Variants in KCNQ1 observed in about 807,000 individuals in gnomAD.
The protein encoded by KCNQ1 is potassium voltage-gated channel subfamily KQT member 1.
KCNQ1 carries 49 observed loss-of-function variants against 72.4 expected under a neutral mutation model. The ratio of observed to expected loss-of-function variants is 0.68; its 90% CI spans 0.54 to 0.86. The LOEUF is 0.86. Among genes scored for constraint, KCNQ1 ranks in the 40% least tolerant of loss-of-function variants. The pLI, the probability that KCNQ1 is intolerant of heterozygous loss-of-function variation, is 0.00. For missense variants in KCNQ1, 790 were observed against 945.1 expected, an observed-to-expected ratio of 0.84 and a Z score of 2.15; for synonymous variants, 450 against 412.6, an observed-to-expected ratio of 1.09 and a Z score of -1.10.
Position 2,559,496 on chromosome 11 carries a change from T to C in KCNQ1, c.478-11132T>C, listed in dbSNP as rs1050591770. On this transcript the variant is annotated intron_variant, in intron 2 of 15. Transcript: ENST00000155840. The surrounding 1 kb of genome is among the most constrained non-coding windows in gnomAD (Gnocchi z 4.9). ...AGCCCACAGGGGACACTGGGCCTCA[T>C]GCCGCCTGTCAGGATGGTGTCCGGG... 5.3e-5 allele frequency among the ~76,000 whole-genome samples: 8 copies of C among 152,290 alleles called. No homozygotes were observed. The East Asian group carries it at 1.5e-3, about 29-fold the overall frequency.
Position 2,769,066 on chromosome 11 carries a change from C to T in KCNQ1, c.1590+147C>T, listed in dbSNP as rs1846546545. On this transcript the variant is annotated intron_variant, in intron 12 of 15. Transcript: ENST00000155840. This position sits in a 1 kb window ranked among gnomAD's most constrained non-coding sequence, Gnocchi z 4.6. ...GCCACACAGGCAGGCCTATCTGAGA[C>T]CTGACAGTGCCTACCCCACCGAACC... 8.1e-6 allele frequency: 6 copies of T among 742,926 alleles called. No individual in the cohort carries two copies. The South Asian group carries it at 8.9e-5, about 11-fold the overall frequency. The allele number at this position is 742,926 out of a possible 1,614,324, so 46.0% of individuals were successfully genotyped here. A position where few individuals can be genotyped will look rare whatever the true frequency, so the allele number is the denominator to read the frequency against.
chr11:2,690,532 G>A lies in KCNQ1; in HGVS notation c.1514+28451G>A, dbSNP rs146060299. The A allele has an allele frequency of 9.0e-4, 357 of 398,690 alleles. 1 individual carries two copies. The highest frequency in any genetic ancestry group is 6.0e-3 in the African/African-American group (291 of 48,760). The allele number at this position is 398,690 out of a possible 1,614,324, so 24.7% of individuals were successfully genotyped here. A position where few individuals can be genotyped will look rare whatever the true frequency, so the allele number is the denominator to read the frequency against. ...CACCTATCACAAAGAAAGTGCCACT[G>A]GGCCTAGGGAAGGACAAGAAGTAAC... On this transcript the variant is annotated intron_variant, in intron 11 of 15. Coordinates refer to ENST00000155840, the MANE Select transcript of KCNQ1 (RefSeq NM_000218.3). The surrounding 1 kb of genome is among the most constrained non-coding windows in gnomAD (Gnocchi z 5.1).
In KCNQ1 at chr11:2,564,980, C is replaced by T. The variant is rs1157587361; in HGVS notation, c.478-5648C>T. 1.3e-5 allele frequency among the ~76,000 whole-genome samples: 2 copies of T among 152,206 alleles called. No individual in the cohort carries two copies. Among genetic ancestry groups the T allele is most frequent in the Non-Finnish European group, 2.9e-5 (2 of 68,038 alleles). On this transcript the variant is annotated intron_variant, in intron 2 of 15. Coordinates refer to ENST00000155840, the MANE Select transcript of KCNQ1 (RefSeq NM_000218.3). This position sits in a 1 kb window ranked among gnomAD's most constrained non-coding sequence, Gnocchi z 4.5. ...GAGGGACCACATCTTCCGTCTCCGT[C>T]GGTGCACTGAGGGACACTGGGCTGG...
At chr11:2,557,898 G>A (rs1237968850) in intron 2 of KCNQ1, among the ~76,000 whole-genome samples, 2 of 152,320 alleles carry the variant, frequency 1.3e-5, no homozygotes, top group Non-Finnish European at 2.9e-5. Context: ...CCTTATGTCT[G>A]CGGAACACTT....
chr11:2,669,919 C>A lies in KCNQ1; in HGVS notation c.1514+7838C>A. 2.5e-6 allele frequency: 1 copy of A among 398,626 alleles called. No individual in the cohort carries two copies. Among genetic ancestry groups the A allele is most frequent in the Non-Finnish European group, 4.4e-6 (1 of 226,100 alleles). The allele number at this position is 398,626 out of a possible 1,614,324, so 24.7% of individuals were successfully genotyped here. On this transcript the variant is annotated intron_variant, in intron 11 of 15. Coordinates refer to ENST00000155840, the MANE Select transcript of KCNQ1 (RefSeq NM_000218.3). This position sits in a 1 kb window ranked among gnomAD's most constrained non-coding sequence, Gnocchi z 5.6. Reference sequence around the variant, plus strand: ...TGCCTAGAGGCCTGAGAGTCCCAAGCTCCAGGACAGTCTGGAGTCAGGTGG... The same window carrying A: ...TGCCTAGAGGCCTGAGAGTCCCAAGATCCAGGACAGTCTGGAGTCAGGTGG...
At position 2,488,762 on chromosome 11, in the gene KCNQ1, G is replaced by A. The variant is rs1472355629; in HGVS notation, c.387-39166G>A. On this transcript the variant is annotated intron_variant, in intron 1 of 15. Transcript: ENST00000155840. The surrounding 1 kb of genome is among the most constrained non-coding windows in gnomAD (Gnocchi z 5.1). ...TTTTACTTAGTCCATCTAGCTAAAG[G>A]TTTGTCAATTCTTAAAATCTTTTCA... 2.0e-5 allele frequency among the ~76,000 whole-genome samples: 3 copies of A among 152,140 alleles called. No homozygotes were observed. Among genetic ancestry groups the A allele is most frequent in the Admixed American group, 6.5e-5 (1 of 15,268 alleles).
At chr11:2,776,926 C>G in intron 13 of KCNQ1, 60 bp from the exon 14 acceptor site, 1 of 1,509,164 alleles carries the variant, frequency 6.6e-7, no homozygotes, top group Non-Finnish European at 9.2e-7. Context: ...CCACAGACGA[C>G]AGTGCATCTG....
Position 2,659,484 on chromosome 11 carries a change from C to T in KCNQ1, c.1394-2477C>T, listed in dbSNP as rs1026574227. ...TGGTATTCCATTGCATGAATATATACATTTTGTTTATGCATTCACCTGTTG... is the reference window on the plus strand; with the variant it reads ...TGGTATTCCATTGCATGAATATATATATTTTGTTTATGCATTCACCTGTTG... On this transcript the variant is annotated intron_variant, in intron 10 of 15. Coordinates refer to ENST00000155840, the MANE Select transcript of KCNQ1 (RefSeq NM_000218.3). The surrounding 1 kb of genome is among the most constrained non-coding windows in gnomAD (Gnocchi z 4.3). 1.5e-5 allele frequency: 6 copies of T among 398,368 alleles called. No homozygotes were observed. The Admixed American group carries it at 2.6e-4, about 18-fold the overall frequency. 24.7% of individuals were successfully genotyped at this position (398,368 alleles called of 1,614,324 possible). A position where few individuals can be genotyped will look rare whatever the true frequency, so the allele number is the denominator to read the frequency against.
chr11:2,633,990 T>C (rs1849407291), intron 10 of KCNQ1: 2 of 398,420 alleles, frequency 5.0e-6, no homozygotes, highest in African/African-American at 2.1e-5. Flanking sequence ...TGTTGAAGAG[T>C]CGACTGTATT....
At position 2,679,544 on chromosome 11, in the gene KCNQ1, T is replaced by A. The variant is rs1850351688; in HGVS notation, c.1514+17463T>A. The A allele has an allele frequency of 2.5e-6, 1 of 398,632 alleles. No individual in the cohort carries two copies. Among genetic ancestry groups the A allele is most frequent in the Non-Finnish European group, 4.4e-6 (1 of 226,072 alleles). The allele number at this position is 398,632 out of a possible 1,614,324, so 24.7% of individuals were successfully genotyped here. A position where few individuals can be genotyped will look rare whatever the true frequency, so the allele number is the denominator to read the frequency against. On this transcript the variant is annotated intron_variant, in intron 11 of 15. Coordinates refer to ENST00000155840, the MANE Select transcript of KCNQ1 (RefSeq NM_000218.3). The surrounding 1 kb of genome is among the most constrained non-coding windows in gnomAD (Gnocchi z 4.8). ...GCTATACCTCATGATGGCCATTCCATCCATTGTAATCATGTGTACCATGCA... is the reference window on the plus strand; with the variant it reads ...GCTATACCTCATGATGGCCATTCCAACCATTGTAATCATGTGTACCATGCA...
In KCNQ1 at chr11:2,507,075, T is replaced by C. The variant is rs1847116636; in HGVS notation, c.387-20853T>C. 6.6e-6 allele frequency among the ~76,000 whole-genome samples: 1 copy of C among 152,254 alleles called. No individual in the cohort carries two copies. On this transcript the variant is annotated intron_variant, in intron 1 of 15. Transcript: ENST00000155840. The surrounding 1 kb of genome is among the most constrained non-coding windows in gnomAD (Gnocchi z 5.4). ...CATGTTTATATCATCAAATTTATCATGCTTCTTTCTACTGACTCCGGATTC... is the reference window on the plus strand; with the variant it reads ...CATGTTTATATCATCAAATTTATCACGCTTCTTTCTACTGACTCCGGATTC...
chr11:2,676,615 A>G lies in KCNQ1; in HGVS notation c.1514+14534A>G, dbSNP rs1850299330. 1 of 398,686 alleles carries G rather than the reference A, an allele frequency of 2.5e-6. No homozygotes were observed. The highest frequency in any genetic ancestry group is 4.4e-6 in the Non-Finnish European group (1 of 226,090). 24.7% of individuals were successfully genotyped at this position (398,686 alleles called of 1,614,324 possible). ...CCAGCTCTCCAAAGAGGCCTCTAAG[A>G]AATGGGTAGCTTCACAGATTCACAG... On this transcript the variant is annotated intron_variant, in intron 11 of 15. Transcript: ENST00000155840. This position sits in a 1 kb window ranked among gnomAD's most constrained non-coding sequence, Gnocchi z 4.2.
chr11:2,458,913 G>C lies in KCNQ1; in HGVS notation c.386+13429G>C, dbSNP rs999223349. Among the ~76,000 whole-genome samples, 1 of 152,208 alleles carries C rather than the reference G, an allele frequency of 6.6e-6. No homozygotes were observed. Among genetic ancestry groups the C allele is most frequent in the African/African-American group, 2.4e-5 (1 of 41,460 alleles). On this transcript the variant is annotated intron_variant, in intron 1 of 15. Coordinates refer to ENST00000155840, the MANE Select transcript of KCNQ1 (RefSeq NM_000218.3). This position sits in a 1 kb window ranked among gnomAD's most constrained non-coding sequence, Gnocchi z 4.6. Reference sequence around the variant, plus strand: ...CCACCAATTGTGACATATGGCCTTAGTTAGGTCCTCAATAAATGATGACAA... The same window carrying C: ...CCACCAATTGTGACATATGGCCTTACTTAGGTCCTCAATAAATGATGACAA...
Position 2,617,764 on chromosome 11 carries a change from T to C in KCNQ1, c.1393+28910T>C. 1 of 398,584 alleles carries C rather than the reference T, an allele frequency of 2.5e-6. No homozygotes were observed. Among genetic ancestry groups the C allele is most frequent in the Non-Finnish European group, 4.4e-6 (1 of 226,034 alleles). The allele number at this position is 398,584 out of a possible 1,614,324, so 24.7% of individuals were successfully genotyped here. A position where few individuals can be genotyped will look rare whatever the true frequency, so the allele number is the denominator to read the frequency against. ...GGTGATATCGCATAGTAATTTTGAT[T>C]TGCATTTCCCTGACGATTAGTGATG... On this transcript the variant is annotated intron_variant, in intron 10 of 15. Coordinates refer to ENST00000155840, the MANE Select transcript of KCNQ1 (RefSeq NM_000218.3). The surrounding 1 kb of genome is among the most constrained non-coding windows in gnomAD (Gnocchi z 4.6).
rs184597788 is a variant in KCNQ1, at chr11:2,566,827, C to G, written c.478-3801C>G. 6.6e-6 allele frequency among the ~76,000 whole-genome samples: 1 copy of G among 152,198 alleles called. No homozygotes were observed. The highest frequency in any genetic ancestry group is 6.5e-5 in the Admixed American group (1 of 15,294). ...TTGTGGGGCTGGATGATCCTGGGTG[C>G]CCCTCAGAGAAGGCCCTGGGGCTGG... On this transcript the variant is annotated intron_variant, in intron 2 of 15. Coordinates refer to ENST00000155840, the MANE Select transcript of KCNQ1 (RefSeq NM_000218.3). The surrounding 1 kb of genome is among the most constrained non-coding windows in gnomAD (Gnocchi z 6.7).
At chr11:2,812,532 C>T (rs1190560919) in intron 15 of KCNQ1, among the ~76,000 whole-genome samples, 1 of 152,232 alleles carries the variant, frequency 6.6e-6, no homozygotes, top group Admixed American at 6.5e-5. Context: ...GAGGCGGGAA[C>T]AGCATGTATG....
chr11:2,835,252 A>C (rs907702708), intron 15 of KCNQ1, among the ~76,000 whole-genome samples: 2 of 152,110 alleles, frequency 1.3e-5, no homozygotes, highest in Non-Finnish European at 2.9e-5. Context: ...TGGGGTGGCC[A>C]GTGGCACCTG....
At position 2,682,667 on chromosome 11, in the gene KCNQ1, C is replaced by G. The variant is rs1415777354; in HGVS notation, c.1514+20586C>G. 5.0e-6 allele frequency: 2 copies of G among 398,528 alleles called. No individual in the cohort carries two copies. The allele number at this position is 398,528 out of a possible 1,614,324, so 24.7% of individuals were successfully genotyped here. On this transcript the variant is annotated intron_variant, in intron 11 of 15. Transcript: ENST00000155840. The surrounding 1 kb of genome is among the most constrained non-coding windows in gnomAD (Gnocchi z 5.8). ...CTTCCCCAGGGCTCATGTCCACATG[C>G]TATTGTCCATAGAAGCTGGGGTCCA...
At position 2,585,310 on chromosome 11, in the gene KCNQ1, GC is replaced by G. The variant is rs1564825421; in HGVS notation, c.1128+4del. On this transcript the variant is annotated splice_donor_region_variant and intron_variant, in intron 8 of 15. Transcript: ENST00000155840. The stretch of plus-strand genomic sequence containing the variant: ...CGGCGGCAGCCTCACTCATTCAGGT[GC>G]GGTGCCTGCAAGGCCCTGGTCACTG... The G allele has an allele frequency of 6.2e-7, 1 of 1,612,872 alleles. No homozygotes were observed. Among genetic ancestry groups the G allele is most frequent in the Non-Finnish European group, 8.5e-7 (1 of 1,179,116 alleles).
Sources: gnomAD v4.1 joint callset for allele counts (sites outside exome capture counted in the v4.1 genomes callset) on GRCh38, gnomAD v4.1.1 for gene constraint, Gnocchi (gnomAD v3.1) non-coding constraint, MANE v1.5 for transcripts, NCBI Gene and HGNC (gene_info 2026-07-23, HGNC 2026-07-21) for gene names.